ARMC8: variants seen among roughly 807,000 people sequenced by gnomAD.
The protein encoded by ARMC8 is armadillo repeat-containing protein 8.
A neutral mutation model predicts 99.3 loss-of-function variants in ARMC8; 20 were observed. The ratio of observed to expected loss-of-function variants is 0.20; its 90% CI spans 0.14 to 0.29. The LOEUF is 0.29. Among genes scored for constraint, ARMC8 ranks in the 10% least tolerant of loss-of-function variants. The pLI is 1.00. For synonymous variants in ARMC8, 263 were observed against 278.3 expected (o/e 0.95, Z 0.55); for missense variants, 569 against 809.5 (o/e 0.70, Z 3.60).
Position 138,187,478 on chromosome 3 carries a change from G to A in ARMC8, c.-77G>A, listed in dbSNP as rs1001454292. ...GGCTGCCTTTAGGGAGCGGTGCCTA[G>A]CGTTGGCCAATAGTTGGCTGTCGAA... is the stretch of plus-strand genomic sequence containing the variant. On this transcript the variant is annotated 5_prime_UTR_variant, in exon 1 of 22. Transcript: ENST00000469044. 2.7e-6 allele frequency: 4 copies of A among 1,460,702 alleles called. No homozygotes were observed. The highest frequency in any genetic ancestry group is 2.8e-6 in the Non-Finnish European group (3 of 1,078,998). 90.5% of individuals were successfully genotyped at this position (1,460,702 alleles called of 1,614,324 possible). A position where few individuals can be genotyped will look rare whatever the true frequency, so the allele number is the denominator to read the frequency against.
At chr3:138,202,923 C>G (rs1047718232) in intron 1 of ARMC8, among the ~76,000 whole-genome samples, 18 of 152,108 alleles carry the variant, frequency 1.2e-4, no homozygotes, top group African/African-American at 3.9e-4. Context: ...TGAGTTAAAT[C>G]CTATTCATGA....
chr3:138,290,424 G>T, intron 20 of ARMC8, 122 bp from the exon 21 acceptor site: 1 of 708,258 alleles, frequency 1.4e-6, no homozygotes. Context: ...GAGGGTAGAG[G>T]ACAAGGGGTA....
chr3:138,245,902 A>G, intron 12 of ARMC8: 3 of 985,484 alleles, frequency 3.0e-6, no homozygotes, highest in Non-Finnish European at 3.6e-6. Context: ...TGTATAACCT[A>G]ATAAATTCTA....
intron 9 of ARMC8, among the ~76,000 whole-genome samples, chr3:138,237,800 C>A (rs779131159): frequency 2.6e-5 from 4 of 152,120 alleles, no homozygotes; most frequent in Non-Finnish European, 5.9e-5. Context: ...CTGAGACTGT[C>A]TTCAGAAAAT....
chr3:138,284,281 A>T, intron 18 of ARMC8, 150 bp from the exon 19 acceptor site: 1 of 635,492 alleles, frequency 1.6e-6, no homozygotes, highest in East Asian at 2.5e-5. Context: ...GTTACTAGCA[A>T]TGATGTCAGC....
intron 12 of ARMC8, among the ~76,000 whole-genome samples, chr3:138,248,034 A>G (rs1010921820): frequency 1.3e-5 from 2 of 152,226 alleles, no homozygotes; most frequent in Non-Finnish European, 1.5e-5. Flanking sequence ...CGAGTGTTGC[A>G]TCCTTTATTA....
intron 18 of ARMC8, among the ~76,000 whole-genome samples, chr3:138,278,628 G>A (rs1008479016): frequency 1.1e-4 from 17 of 151,964 alleles, no homozygotes. Flanking sequence ...CGATCGTATT[G>A]TATTTATAAA....
intron 1 of ARMC8, among the ~76,000 whole-genome samples, chr3:138,198,254 C>G (rs1287094043): frequency 6.6e-6 from 1 of 151,898 alleles, no homozygotes; most frequent in Non-Finnish European, 1.5e-5. Context: ...TCTAACTGTG[C>G]CCTGGCTTTT....
chr3:138,252,440 T>G (rs1237811746), intron 12 of ARMC8, among the ~76,000 whole-genome samples: 2 of 150,474 alleles, frequency 1.3e-5, no homozygotes, highest in Admixed American at 1.3e-4. Context: ...ACTGCATAGC[T>G]AACCATAAAC....
chr3:138,243,723 C>T (rs1021273652), intron 11 of ARMC8, among the ~76,000 whole-genome samples: 2 of 152,050 alleles, frequency 1.3e-5, no homozygotes, highest in African/African-American at 4.8e-5. Flanking sequence ...TGAATTTCTC[C>T]ATCTTCACAC....
chr3:138,284,523 C>T lies in ARMC8; in HGVS notation c.1818C>T (p.Tyr606=). The change falls in exon 19 of 22, where the codon TAC becomes TAT. Residue 606 remains tyrosine, a synonymous_variant. Transcript: ENST00000469044. ...NDDILQKIKY[Y]MGHSHVKLQL... is the part of the protein sequence containing the mutation. ...ATATCCTACAGAAAATCAAGTATTA[C>T]ATGGTGAGCCCTTGTCCCCTTTCAC... is the stretch of plus-strand genomic sequence containing the variant. 6.2e-7 allele frequency: 1 copy of T among 1,605,682 alleles called. No homozygotes were observed.
At chr3:138,285,803 T>C (rs1224992790) in intron 19 of ARMC8, among the ~76,000 whole-genome samples, 2 of 152,200 alleles carry the variant, frequency 1.3e-5, no homozygotes, top group African/African-American at 4.8e-5. Flanking sequence ...ATTTGTTGAA[T>C]GAAAACCTTA....
chr3:138,271,150 A>G (rs931814444), intron 16 of ARMC8, among the ~76,000 whole-genome samples: 7 of 152,186 alleles, frequency 4.6e-5, no homozygotes, highest in African/African-American at 7.2e-5. Context: ...AGAAATAATT[A>G]TCTTCTAAGA....
chr3:138,210,189 A>G (rs1446922854), intron 2 of ARMC8, among the ~76,000 whole-genome samples: 2 of 152,222 alleles, frequency 1.3e-5, no homozygotes, highest in African/African-American at 4.8e-5. Flanking sequence ...AAGCAGGAGA[A>G]TAAGATTGAT....
chr3:138,229,149 T>TATATAC (rs1416769014), intron 6 of ARMC8, 139 bp downstream of exon 6: 1 of 42,740 alleles, frequency 2.3e-5, no homozygotes, highest in African/African-American at 9.5e-5. Context: ...TATATATATA[T>TATATAC]ATATATATAT....
chr3:138,232,951 A>C (rs777316770), intron 6 of ARMC8, among the ~76,000 whole-genome samples: 14 of 152,210 alleles, frequency 9.2e-5, no homozygotes, highest in Non-Finnish European at 1.5e-4. Flanking sequence ...AAAATTGATA[A>C]GGAACTTAAA....
intron 18 of ARMC8, among the ~76,000 whole-genome samples, chr3:138,275,833 T>G (rs978037273): frequency 6.6e-6 from 1 of 152,184 alleles, no homozygotes; most frequent in Non-Finnish European, 1.5e-5. Context: ...TTACGTGATA[T>G]CTCTTAAAAT....
In ARMC8 at chr3:138,230,982, C is replaced by T. The variant is rs1445039887; in HGVS notation, c.528+1972C>T. ...TAAACTGAGGATAATAATTTAACAG[C>T]CAGCCTCATACCACTGACAGAATGG... On this transcript the variant is annotated intron_variant, in intron 6 of 21. Transcript: ENST00000469044. Among the ~76,000 whole-genome samples the T allele has an allele frequency of 6.6e-5, 10 of 152,270 alleles. No individual in the cohort carries two copies. In the East Asian group the frequency reaches 1.9e-3, roughly 29 times the overall value.
chr3:138,274,764 G>A (rs1301736834), intron 18 of ARMC8, among the ~76,000 whole-genome samples: 1 of 152,164 alleles, frequency 6.6e-6, no homozygotes, highest in Non-Finnish European at 1.5e-5. Context: ...TTTGCTCTCT[G>A]TGTCATGCAC....
Sources: allele counts gnomAD v4.1 joint callset (sites outside exome capture counted in the v4.1 genomes callset), GRCh38; gene constraint gnomAD v4.1.1; transcripts MANE v1.5; gene names NCBI Gene and HGNC (gene_info 2026-07-23, HGNC 2026-07-21).